The following CERS3 variants were observed in gnomAD, a reference collection of about 807,000 sequenced individuals.
CERS3 encodes the protein ceramide synthase 3.
CERS3 carries 33 observed loss-of-function variants against 50.3 expected under a neutral mutation model. The observed-to-expected ratio is 0.66, with a 90% CI of 0.50 to 0.88. CERS3 has a LOEUF of 0.88. Among genes scored for constraint, CERS3 ranks in the 40% least tolerant of loss-of-function variants. The pLI is 0.00. For missense variants in CERS3, 470 were observed against 460.3 expected (o/e 1.02, Z -0.19); for synonymous variants, 176 against 155.2 (o/e 1.13, Z -0.99).
intron 11 of CERS3, among the ~76,000 whole-genome samples, chr15:100,449,275 T>C (rs576550890): frequency 1.4e-4 from 22 of 152,338 alleles, no homozygotes; most frequent in Admixed American, 3.3e-4. Flanking sequence ...CTGGCCGTCC[T>C]ATCCCATTGC....
intron 11 of CERS3, among the ~76,000 whole-genome samples, chr15:100,447,799 C>T (rs1392296413): frequency 2.6e-5 from 4 of 152,166 alleles, no homozygotes; most frequent in Admixed American, 1.3e-4. Context: ...GGTAGATGAA[C>T]ATTCCCCCAC....
At position 100,504,462 on chromosome 15, in the gene CERS3, T is replaced by C. The variant is rs111880113; in HGVS notation, c.-1-2612A>G. 3.8e-3 allele frequency among the ~76,000 whole-genome samples: 573 copies of C among 152,164 alleles called. 4 individuals carry two copies. Among genetic ancestry groups the C allele is most frequent in the African/African-American group, 0.013 (533 of 41,530 alleles). ...TTCTCCATGTTGGTCAGTCTGGTCT[T>C]GAACTCCCAACCTCAGGTGATCCGC... On this transcript the variant is annotated intron_variant, in intron 2 of 11. Transcript: ENST00000679737.
chr15:100,404,101 C>G (rs189295078), intron 11 of CERS3, among the ~76,000 whole-genome samples: 137 of 152,296 alleles, frequency 9.0e-4, no homozygotes, highest in Non-Finnish European at 1.6e-3. Context: ...CCAAGAAATG[C>G]TGGCAGCCAC....
chr15:100,521,617 A>G (rs1386791910), intron 2 of CERS3, 50 bp downstream of exon 2: 1 of 152,214 alleles, frequency 6.6e-6, no homozygotes, highest in African/African-American at 2.4e-5. Flanking sequence ...CCAAGATTAT[A>G]GTTAAGAAAA....
intron 11 of CERS3, among the ~76,000 whole-genome samples, chr15:100,430,370 GA>G (rs201859822): frequency 4.6e-5 from 7 of 151,638 alleles, no homozygotes; most frequent in Non-Finnish European, 7.4e-5. Flanking sequence ...TTGACAATGA[GA>G]AAAAAAATAC....
intron 10 of CERS3, among the ~76,000 whole-genome samples, chr15:100,467,937 A>G (rs2034838109): frequency 1.3e-5 from 2 of 150,144 alleles, no homozygotes; most frequent in South Asian, 4.2e-4. Context: ...GCCCAGGCTG[A>G]TCTAGAACTC....
At chr15:100,534,192 G>T (rs28544278) in intron 1 of CERS3, among the ~76,000 whole-genome samples, 1,857 of 152,230 alleles carry the variant, frequency 0.012, 33 homozygotes, top group African/African-American at 0.04. Context: ...GGACAGGACA[G>T]GACTCAACTT....
At chr15:100,472,564 G>T (rs547102262) in intron 9 of CERS3, among the ~76,000 whole-genome samples, 3 of 152,280 alleles carry the variant, frequency 2.0e-5, no homozygotes, top group South Asian at 4.1e-4. Flanking sequence ...TGAATAGATG[G>T]TGCCATCCAA....
At chr15:100,529,833 C>G (rs942187337), upstream of CERS3, among the ~76,000 whole-genome samples, 1 of 152,212 alleles carries the variant, frequency 6.6e-6, no homozygotes, top group South Asian at 2.1e-4. Context: ...TTCTCATTAG[C>G]TGTCTTCAAC....
chr15:100,533,092 G>A (rs1266289580), upstream of CERS3, among the ~76,000 whole-genome samples: 1 of 152,174 alleles, frequency 6.6e-6, no homozygotes. Flanking sequence ...AACCTGAGAG[G>A]CCACTTGGTG....
intron 11 of CERS3, among the ~76,000 whole-genome samples, chr15:100,427,909 G>C (rs2032915997): frequency 6.6e-6 from 1 of 152,164 alleles, no homozygotes; most frequent in Non-Finnish European, 1.5e-5. Flanking sequence ...AGGTAAAGAG[G>C]TCAGGTGGTG....
chr15:100,497,302 A>ATGTGTGTGTGTG (rs1236454887), intron 3 of CERS3, among the ~76,000 whole-genome samples: 19 of 133,522 alleles, frequency 1.4e-4, no homozygotes, highest in African/African-American at 5.3e-4. Flanking sequence ...GAGAGCATAT[A>ATGTGTGTGTGTG]TGTATGTGTG....
intron 5 of CERS3, among the ~76,000 whole-genome samples, chr15:100,483,730 CCTGA>C (rs2035386187): frequency 6.6e-6 from 1 of 151,158 alleles, no homozygotes; most frequent in Non-Finnish European, 1.5e-5. Context: ...CCCCAACTTC[CCTGA>C]CTGTCTCACA....
At chr15:100,458,453 G>T (rs1437849241) in intron 10 of CERS3, among the ~76,000 whole-genome samples, 1 of 152,010 alleles carries the variant, frequency 6.6e-6, no homozygotes, top group African/African-American at 2.4e-5. Context: ...AGGTGTGGTG[G>T]CAGGTATCTG....
intron 5 of CERS3, 32 bp from the exon 6 acceptor site, chr15:100,480,078 T>C: frequency 1.3e-6 from 2 of 1,511,336 alleles, no homozygotes; most frequent in Non-Finnish European, 9.1e-7. Context: ...TTTACTCCCT[T>C]GTAAAGGTAA....
chr15:100,540,634 T>G (rs2037180121), intron 1 of CERS3, among the ~76,000 whole-genome samples: 1 of 152,232 alleles, frequency 6.6e-6, no homozygotes, highest in Non-Finnish European at 1.5e-5. Context: ...GCAGCCTTAT[T>G]CTTTAACAGT....
At chr15:100,541,639 C>A (rs140378113) in intron 1 of CERS3, among the ~76,000 whole-genome samples, 1 of 152,058 alleles carries the variant, frequency 6.6e-6, no homozygotes, top group Non-Finnish European at 1.5e-5. Context: ...GCTGTTTGAA[C>A]GTGTTCAGTA....
At chr15:100,542,646 T>C (rs555576103) in intron 1 of CERS3, among the ~76,000 whole-genome samples, 78 of 152,312 alleles carry the variant, frequency 5.1e-4, no homozygotes, top group Non-Finnish European at 9.6e-4. Context: ...TAGTATGCAA[T>C]AATTATTACT....
chr15:100,418,038 AG>A (rs2032098004), intron 11 of CERS3, among the ~76,000 whole-genome samples: 1 of 152,168 alleles, frequency 6.6e-6, no homozygotes, highest in Admixed American at 6.5e-5. Flanking sequence ...CCTCCTCCAA[AG>A]GAATGCAGTT....
Sources: gnomAD v4.1 joint callset for allele counts (sites outside exome capture counted in the v4.1 genomes callset) on GRCh38, gnomAD v4.1.1 for gene constraint, MANE v1.5 for transcripts, NCBI Gene and HGNC (gene_info 2026-07-23, HGNC 2026-07-21) for gene names.